Variants in SLK observed in about 807,000 individuals in gnomAD.
SLK encodes the protein STE20-like serine/threonine-protein kinase.
In SLK, 67 loss-of-function variants were observed where a neutral mutation model predicts 147.7. The observed-to-expected ratio is 0.45, with a 90% CI of 0.37 to 0.56. SLK has a LOEUF of 0.56. Among genes scored for constraint, SLK ranks in the 20% least tolerant of loss-of-function variants. The pLI is 0.00. For synonymous variants in SLK, 441 were observed against 475.0 expected, an observed-to-expected ratio of 0.93 and a Z score of 0.93; for missense variants, 1,136 against 1,438.8, an observed-to-expected ratio of 0.79 and a Z score of 3.41.
intron 4 of SLK, among the ~76,000 whole-genome samples, chr10:103,993,765 G>A (rs1844130377): frequency 6.6e-6 from 1 of 152,154 alleles, no homozygotes; most frequent in Admixed American, 6.5e-5. Context: ...TAGAGATGAA[G>A]TCCAAATTTG....
chr10:104,005,602 A>G lies in SLK; in HGVS notation c.2391A>G (p.Lys797=). Residue 797 remains lysine (K), a synonymous_variant, in exon 10 of 19, where the codon AAA becomes AAG. Coordinates refer to ENST00000369755, the MANE Select transcript of SLK (RefSeq NM_014720.4). Reference sequence around the variant, plus strand: ...AGAAAACATTGAAGAAAACACGCAAATTTATTGTTGATGGTGTAGAAGTGA... The same window carrying G: ...AGAAAACATTGAAGAAAACACGCAAGTTTATTGTTGATGGTGTAGAAGTGA... ...RQKKTLKKTR[K]FIVDGVEVSV... The G allele has an allele frequency of 1.2e-6, 2 of 1,606,942 alleles. No individual in the cohort carries two copies. Among genetic ancestry groups the G allele is most frequent in the Non-Finnish European group, 1.7e-6 (2 of 1,177,750 alleles).
intron 4 of SLK, among the ~76,000 whole-genome samples, chr10:103,994,249 C>CA (rs1295143586): frequency 6.6e-6 from 1 of 152,154 alleles, no homozygotes; most frequent in Admixed American, 6.5e-5. Context: ...ACTTTGTAGA[C>CA]ATAGCTTTGT....
intron 4 of SLK, among the ~76,000 whole-genome samples, chr10:103,994,222 T>C (rs553358986): frequency 6.6e-6 from 1 of 152,328 alleles, no homozygotes; most frequent in African/African-American, 2.4e-5. Context: ...CCAGAAATTG[T>C]GTAGCTTAAG....
At chr10:103,994,134 G>T (rs1844135479) in intron 4 of SLK, among the ~76,000 whole-genome samples, 1 of 152,148 alleles carries the variant, frequency 6.6e-6, no homozygotes, top group Non-Finnish European at 1.5e-5. Context: ...CTGGGTGCAA[G>T]TGATTCTTCT....
intron 12 of SLK, among the ~76,000 whole-genome samples, chr10:104,009,029 G>C (rs1844366548): frequency 6.6e-6 from 1 of 152,074 alleles, no homozygotes; most frequent in East Asian, 1.9e-4. Flanking sequence ...GTTTCATATT[G>C]TTATAGAATC....
In SLK at chr10:104,003,655, C is replaced by T. The variant is rs1263551811; in HGVS notation, c.2349+128C>T. 1.8e-5 allele frequency: 15 copies of T among 813,210 alleles called. No individual in the cohort carries two copies. The East Asian group carries it at 3.6e-4, about 20-fold the overall frequency. 50.4% of individuals were successfully genotyped at this position (813,210 alleles called of 1,614,324 possible). On this transcript the variant is annotated intron_variant, in intron 9 of 18. Coordinates refer to ENST00000369755, the MANE Select transcript of SLK (RefSeq NM_014720.4). Reference sequence around the variant, plus strand: ...GTAGTATTAACAATATAAATTCTTACAGCCTATGAAAGCAATTAAAAAGAA... The same window carrying T: ...GTAGTATTAACAATATAAATTCTTATAGCCTATGAAAGCAATTAAAAAGAA...
Position 103,992,596 on chromosome 10 carries a change from A to G in SLK, c.316-2A>G. 1 of 1,579,838 alleles carries G rather than the reference A, an allele frequency of 6.3e-7. No homozygotes were observed. The highest frequency in any genetic ancestry group is 8.5e-7 in the Non-Finnish European group (1 of 1,169,596). On this transcript the variant is annotated splice_acceptor_variant, in intron 2 of 18. Coordinates refer to ENST00000369755, the MANE Select transcript of SLK (RefSeq NM_014720.4). LOFTEE classifies it high-confidence loss of function. ...CGCTTTTTTTTTTTTTTTTGCATGCAGATCCTCATTGAATTTTGTGCAGGT... is the reference window on the plus strand; with the variant it reads ...CGCTTTTTTTTTTTTTTTTGCATGCGGATCCTCATTGAATTTTGTGCAGGT...
At chr10:103,997,104 G>C (rs1169242119) in intron 4 of SLK, among the ~76,000 whole-genome samples, 2 of 151,906 alleles carry the variant, frequency 1.3e-5, no homozygotes, top group African/African-American at 4.8e-5. Context: ...CCAGCTTCTG[G>C]CAACCACCAT....
chr10:103,975,320 C>G (rs1310920173), intron 1 of SLK, among the ~76,000 whole-genome samples: 1 of 152,036 alleles, frequency 6.6e-6, no homozygotes, highest in African/African-American at 2.4e-5. Flanking sequence ...AAATTTGCTC[C>G]TTCTGTCTTC....
chr10:104,012,675 A>T (rs960477705), intron 13 of SLK, among the ~76,000 whole-genome samples: 1 of 152,158 alleles, frequency 6.6e-6, no homozygotes, highest in Non-Finnish European at 1.5e-5. Flanking sequence ...CATGTTTCAC[A>T]CACTGATTCG....
At chr10:103,968,650 C>A (rs1843752129) in intron 1 of SLK, among the ~76,000 whole-genome samples, 1 of 152,120 alleles carries the variant, frequency 6.6e-6, no homozygotes, top group Non-Finnish European at 1.5e-5. Flanking sequence ...GTATTTTCAT[C>A]CTGAAGGGCG....
intron 1 of SLK, among the ~76,000 whole-genome samples, chr10:103,977,833 AT>A (rs1843890885): frequency 6.6e-6 from 1 of 152,060 alleles, no homozygotes; most frequent in South Asian, 2.1e-4. Flanking sequence ...CTTATTGTTT[AT>A]TTTCCCCTCA....
At chr10:103,985,035 T>C (rs1003588729) in intron 1 of SLK, among the ~76,000 whole-genome samples, 5 of 152,196 alleles carry the variant, frequency 3.3e-5, no homozygotes, top group African/African-American at 1.2e-4. Flanking sequence ...AGTCTGAAAA[T>C]AGGTGAGTAC....
At chr10:103,986,720 C>T (rs2476944) in intron 1 of SLK, among the ~76,000 whole-genome samples, 32 of 146,930 alleles carry the variant, frequency 2.2e-4, no homozygotes, top group African/African-American at 8.1e-4. Context: ...GGTCTGTTGC[C>T]CAGGCTGGAG....
rs149238817 is a variant in SLK at position 103,979,077 on chromosome 10, G to A, written c.150+11182G>A. ...GTCGCCCAGGCAGGAGTGCAGTGCC[G>A]CGATCTTGGCTCACTGCAACCTCCG... On this transcript the variant is annotated intron_variant, in intron 1 of 18. Transcript: ENST00000369755. Among the ~76,000 whole-genome samples, 1,247 of 152,212 alleles carry A rather than the reference G, an allele frequency of 8.2e-3. 16 individuals are homozygous for A. The highest frequency in any genetic ancestry group is 0.029 in the African/African-American group (1,192 of 41,516).
chr10:104,001,535 A>G lies in SLK; in HGVS notation c.956A>G (p.Lys319Arg), dbSNP rs774216274. ...GTAACAGAAGAAGTTGAAGATGGCA[A>G]AGAGGAAGATGAAGAGGAGGAAACA... ...AEVTEEVEDG[K>R]EEDEEEETEN... Residue 319 changes from lysine to arginine, a missense_variant, in exon 8 of 19, where the codon AAA becomes AGA. Coordinates refer to ENST00000369755, the MANE Select transcript of SLK (RefSeq NM_014720.4). 8 of 1,613,782 alleles carry G rather than the reference A, an allele frequency of 5.0e-6. No homozygotes were observed. The highest frequency in any genetic ancestry group is 4.0e-5 in the African/African-American group (3 of 74,930).
chr10:104,002,146 C>A, intron 8 of SLK, 26 bp from the exon 9 acceptor site: 1 of 1,535,998 alleles, frequency 6.5e-7, no homozygotes, highest in Non-Finnish European at 8.8e-7. Context: ...TGTTTTAACA[C>A]TAAAAATACA....
intron 8 of SLK, among the ~76,000 whole-genome samples, chr10:104,001,936 G>A (rs139411067): frequency 1.6e-3 from 238 of 152,186 alleles, no homozygotes; most frequent in African/African-American, 5.5e-3. Flanking sequence ...GGCTAGTCTC[G>A]AACTCCTGAC....
chr10:104,002,584 C>A lies in SLK; in HGVS notation c.1406C>A (p.Ser469Tyr). The A allele has an allele frequency of 6.2e-7, 1 of 1,604,188 alleles. No homozygotes were observed. Among genetic ancestry groups the A allele is most frequent in the Non-Finnish European group, 8.5e-7 (1 of 1,174,886 alleles). The stretch of plus-strand genomic sequence containing the variant: ...ACAAATATTGAACATAATCTAAAAT[C>A]TGAGGAAGAAAAGGATCAGGAAAAG... ...LETNIEHNLKSEEEKDQEKQQ... is the reference protein window; with the variant it reads ...LETNIEHNLKYEEEKDQEKQQ... The change falls in exon 9 of 19, where the codon TCT becomes TAT. Residue 469 changes from serine (S) to tyrosine (Y), a missense_variant. Physicochemically the swap from Ser to Tyr is moderately radical, Grantham distance 144. Transcript: ENST00000369755.
Sources: allele counts gnomAD v4.1 joint callset (sites outside exome capture counted in the v4.1 genomes callset), GRCh38; gene constraint gnomAD v4.1.1; transcripts MANE v1.5; gene names NCBI Gene and HGNC (gene_info 2026-07-23, HGNC 2026-07-21).